Variants in RNF216 observed in about 807,000 individuals in gnomAD.
RNF216 encodes ring finger protein 216.
A neutral mutation model predicts 110.8 loss-of-function variants in RNF216; 72 were observed. The ratio of observed to expected loss-of-function variants is 0.65; its 90% CI spans 0.54 to 0.79. The LOEUF (loss-of-function observed/expected upper bound fraction) is 0.79. RNF216 is among the 30% of genes least tolerant of loss of function. The probability of loss-of-function intolerance (pLI) is 0.00; values close to 1 mark genes in which losing one functional copy is unlikely to be tolerated. For missense variants in RNF216, 1,342 were observed against 1,141.2 expected (o/e 1.18, Z -2.54); for synonymous variants, 495 against 407.5 (o/e 1.21, Z -2.59).
intron 5 of RNF216, among the ~76,000 whole-genome samples, chr7:5,736,725 C>T (rs1241339094): frequency 2.0e-5 from 3 of 151,442 alleles, no homozygotes; most frequent in African/African-American, 7.3e-5. Context: ...AGCGCCTCTG[C>T]CCCGCCGCCC....
chr7:5,683,007 T>C (rs1485645290), intron 13 of RNF216, among the ~76,000 whole-genome samples: 1 of 152,160 alleles, frequency 6.6e-6, no homozygotes, highest in South Asian at 2.1e-4. Flanking sequence ...CAACCTCCCA[T>C]GACGGGGTCA....
intron 15 of RNF216, among the ~76,000 whole-genome samples, chr7:5,631,453 T>C (rs1787065842): frequency 6.6e-6 from 1 of 152,180 alleles, no homozygotes. Flanking sequence ...CCTCCCTGGG[T>C]CACTGGTCTC....
At chr7:5,688,942 A>T (rs1184684863) in intron 13 of RNF216, among the ~76,000 whole-genome samples, 1 of 152,192 alleles carries the variant, frequency 6.6e-6, no homozygotes, top group Non-Finnish European at 1.5e-5. Flanking sequence ...TGAATGAGAG[A>T]AGCGGGAAAA....
chr7:5,729,471 G>A lies in RNF216; in HGVS notation c.1350C>T (p.Ala450=). The change falls in exon 7 of 17, where the codon GCC becomes GCT. Residue 450 remains alanine, a synonymous_variant. Transcript: ENST00000389902. The stretch of plus-strand genomic sequence containing the variant: ...CATAGTGTCCTTTGAGCTCGTGCAG[G>A]GCCCACTTGATGTCCTGACTACTGA... The part of the protein sequence containing the change: ...KVLSSQDIKW[A]LHELKGHYAI... 1 of 1,614,118 alleles carries A rather than the reference G, an allele frequency of 6.2e-7. No homozygotes were observed. Among genetic ancestry groups the A allele is most frequent in the South Asian group, 1.1e-5 (1 of 91,076 alleles).
rs538780764 is a variant in RNF216, at chr7:5,776,760, G to A, written c.-70+4781C>T. Among the ~76,000 whole-genome samples, 289 of 151,680 alleles carry A rather than the reference G, an allele frequency of 1.9e-3. 1 individual carries two copies. Among genetic ancestry groups the A allele is most frequent in the Non-Finnish European group, 3.3e-3 (222 of 67,868 alleles). On this transcript the variant is annotated intron_variant, in intron 1 of 16. Coordinates refer to ENST00000389902, the MANE Select transcript of RNF216 (RefSeq NM_207111.4). ...CTAAAAAAATACAAAAATTAGCTGG[G>A]TGTGGTGGCTCATGCCTGTAATCCC...
intron 13 of RNF216, among the ~76,000 whole-genome samples, chr7:5,701,744 G>A (rs1304759991): frequency 6.6e-6 from 1 of 152,188 alleles, no homozygotes. Context: ...CAACAGCCAC[G>A]CATTTCACTG....
intron 14 of RNF216, among the ~76,000 whole-genome samples, chr7:5,651,645 ATTC>A (rs1291668957): frequency 1.4e-5 from 2 of 146,504 alleles, no homozygotes; most frequent in African/African-American, 5.4e-5. Context: ...CGGTCATTGC[ATTC>A]TTTTTTTCTT....
At chr7:5,749,945 A>G (rs1795245310) in intron 3 of RNF216, among the ~76,000 whole-genome samples, 1 of 152,158 alleles carries the variant, frequency 6.6e-6, no homozygotes, top group African/African-American at 2.4e-5. Context: ...AGATTTAAGG[A>G]AACTTTTTTC....
At chr7:5,772,357 AAC>A (rs367699938) in intron 1 of RNF216, among the ~76,000 whole-genome samples, 41 of 152,346 alleles carry the variant, frequency 2.7e-4, no homozygotes, top group African/African-American at 9.9e-4. Flanking sequence ...TTCCATGGAC[AAC>A]AGTTACAAAA....
chr7:5,660,943 G>GTTTTTTTTTTTTTTTTTTTTTTTTTT (rs1168463360), intron 13 of RNF216, among the ~76,000 whole-genome samples: 2 of 90,150 alleles, frequency 2.2e-5, no homozygotes, highest in African/African-American at 5.5e-5. Flanking sequence ...GAAGCCTTAG[G>GTTTTTTTTTTTTTTTTTTTTTTTTTT]TTTTTTTTTT....
In RNF216 at chr7:5,715,107, G is replaced by A; in HGVS notation, c.1779C>T (p.Phe593=). The A allele has an allele frequency of 6.2e-7, 1 of 1,613,906 alleles. No homozygotes were observed. The highest frequency in any genetic ancestry group is 1.1e-5 in the South Asian group (1 of 91,084). The change falls in exon 11 of 17, where the codon TTC becomes TTT. Residue 593 remains phenylalanine, a synonymous_variant. Coordinates refer to ENST00000389902, the MANE Select transcript of RNF216 (RefSeq NM_207111.4). ...ELTQCADAHL[F]CKECLIRYAQ... ...CATATCTGATGAGACACTCTTTGCA[G>A]AACAAGTGAGCATCTGCGCACTGCG...
intron 2 of RNF216, among the ~76,000 whole-genome samples, chr7:5,753,911 T>C (rs1795466353): frequency 6.6e-6 from 1 of 151,898 alleles, no homozygotes; most frequent in Non-Finnish European, 1.5e-5. Flanking sequence ...AGGAGAATCG[T>C]TTGAACTCGG....
chr7:5,753,426 A>C (rs1314420047), intron 2 of RNF216, among the ~76,000 whole-genome samples: 2 of 152,230 alleles, frequency 1.3e-5, no homozygotes, highest in African/African-American at 4.8e-5. Context: ...TGCTCATCTT[A>C]AACACAAACT....
chr7:5,638,785 G>A (rs974161541), intron 15 of RNF216, among the ~76,000 whole-genome samples: 1 of 151,836 alleles, frequency 6.6e-6, no homozygotes, highest in Non-Finnish European at 1.5e-5. Context: ...CTACAGGTGA[G>A]CACCACATCT....
Position 5,729,565 on chromosome 7 carries a change from T to G in RNF216, c.1256A>C (p.Lys419Thr), listed in dbSNP as rs769089631. 6.2e-7 allele frequency: 1 copy of G among 1,614,132 alleles called. No homozygotes were observed. Among genetic ancestry groups the G allele is most frequent in the Non-Finnish European group, 8.5e-7 (1 of 1,180,010 alleles). Residue 419 changes from lysine (K) to threonine (T), a missense_variant, in exon 7 of 17, where the codon AAA becomes ACA. Coordinates refer to ENST00000389902, the MANE Select transcript of RNF216 (RefSeq NM_207111.4). ...LPKIDFFDYS[K>T]LTPLDQRCFI... ...GCAGCGCTGGTCAAGAGGGGTCAAT[T>G]TAGAATAGTCAAAAAAGTCTATTTT...
chr7:5,671,495 C>G (rs1789907211), intron 13 of RNF216, among the ~76,000 whole-genome samples: 1 of 152,066 alleles, frequency 6.6e-6, no homozygotes, highest in Admixed American at 6.6e-5. Flanking sequence ...CTATTCCAAT[C>G]TGATAGCCTT....
Position 5,721,102 on chromosome 7 carries a change from T to C in RNF216, c.1575A>G (p.Arg525=). The C allele has an allele frequency of 6.2e-7, 1 of 1,614,042 alleles. No homozygotes were observed. The highest frequency in any genetic ancestry group is 8.5e-7 in the Non-Finnish European group (1 of 1,179,880). Residue 525 remains arginine, a synonymous_variant, in exon 9 of 17, where the codon CGA becomes CGG. Transcript: ENST00000389902. ...GTTGCACAGCTGGAAGGAGAGCACGTCGGTCATAGGACCTACAATGTCGTC... is the reference window on the plus strand; with the variant it reads ...GTTGCACAGCTGGAAGGAGAGCACGCCGGTCATAGGACCTACAATGTCGTC... ...NKRRHCRSYD[R]RALLPAVQQE...
In RNF216 at chr7:5,741,367, G is replaced by A; in HGVS notation, c.650C>T (p.Ala217Val). The change falls in exon 4 of 17, where the codon GCT (alanine) becomes GTT (valine). Residue 217 changes from alanine to valine, a missense_variant. Transcript: ENST00000389902. Reference protein sequence around the residue: ...ELLSNLGESAALADDQAIEED... With the variant: ...ELLSNLGESAVLADDQAIEED... Reference sequence around the variant, plus strand: ...TTCGATGGCCTGATCATCTGCTAGAGCAGCTGACTCTCCTAGATTTGATAA... The same window carrying A: ...TTCGATGGCCTGATCATCTGCTAGAACAGCTGACTCTCCTAGATTTGATAA... 1.2e-6 allele frequency: 2 copies of A among 1,614,176 alleles called. No homozygotes were observed. Among genetic ancestry groups the A allele is most frequent in the East Asian group, 2.2e-5 (1 of 44,880 alleles).
chr7:5,730,842 T>G, intron 5 of RNF216, 25 bp from the exon 6 acceptor site: 1 of 1,574,118 alleles, frequency 6.4e-7, no homozygotes. Context: ...GATGTTACTT[T>G]CATACTGCTT....
Sources: allele counts gnomAD v4.1 joint callset (sites outside exome capture counted in the v4.1 genomes callset), GRCh38; gene constraint gnomAD v4.1.1; transcripts MANE v1.5; gene names NCBI Gene and HGNC (gene_info 2026-07-23, HGNC 2026-07-21).